The following TMEM181 variants were observed in gnomAD, a reference collection of about 807,000 sequenced individuals.
TMEM181 encodes the protein transmembrane protein 181, also known as G protein-coupled receptor 178.
A neutral mutation model predicts 71.9 loss-of-function variants in TMEM181; 39 were observed. That is an observed-to-expected ratio of 0.54 (90% CI 0.42 to 0.71). The LOEUF (loss-of-function observed/expected upper bound fraction) is 0.71, where lower values mean the gene tolerates loss of function less well. Ranked by LOEUF, TMEM181 falls within the 30% of genes least tolerant of loss-of-function variation. TMEM181 has a pLI of 0.00. For synonymous variants in TMEM181, 245 were observed against 228.8 expected (o/e 1.07, Z -0.64); for missense variants, 595 against 583.0 (o/e 1.02, Z -0.21).
chr6:158,562,516 T>C (rs1011671482), intron 1 of TMEM181, among the ~76,000 whole-genome samples: 1 of 151,752 alleles, frequency 6.6e-6, no homozygotes, highest in Admixed American at 6.6e-5. Flanking sequence ...GTGTATTTTA[T>C]GTGTCTTTTT....
At chr6:158,626,818 TCACA>T (rs1196475173) in intron 13 of TMEM181, 9 of 403,058 alleles carry the variant, frequency 2.2e-5, no homozygotes, top group Non-Finnish European at 3.6e-5. Context: ...TGACCCACCC[TCACA>T]CACACACCTT....
At chr6:158,616,112 A>G (rs1172703317) in intron 10 of TMEM181, among the ~76,000 whole-genome samples, 1 of 152,192 alleles carries the variant, frequency 6.6e-6, no homozygotes, top group African/African-American at 2.4e-5. Flanking sequence ...CTTCCTATCC[A>G]TGAGCATGGA....
chr6:158,587,320 A>G (rs1186088012), intron 5 of TMEM181, among the ~76,000 whole-genome samples: 1 of 151,938 alleles, frequency 6.6e-6, no homozygotes, highest in Non-Finnish European at 1.5e-5. Context: ...GCGCATCTTC[A>G]TGGTTTCTTC....
upstream of TMEM181, among the ~76,000 whole-genome samples, chr6:158,556,084 C>T (rs1781874222): frequency 6.6e-6 from 1 of 152,180 alleles, no homozygotes; most frequent in South Asian, 2.1e-4. Flanking sequence ...AGTACTCAAA[C>T]CAGCATGTCT....
chr6:158,625,811 G>A (rs1786244760), intron 13 of TMEM181, 57 bp downstream of exon 13: 2 of 1,484,874 alleles, frequency 1.3e-6, no homozygotes, highest in Non-Finnish European at 1.9e-6. Context: ...TTACTGTCAG[G>A]AATATCTGTT....
intron 1 of TMEM181, among the ~76,000 whole-genome samples, chr6:158,571,384 C>CCA (rs1782825046): frequency 1.6e-5 from 2 of 128,978 alleles, no homozygotes; most frequent in South Asian, 2.5e-4. Flanking sequence ...GCGTGATCTG[C>CCA]CCGCCTTGGC....
exon 1 of TMEM181, chr6:158,536,671 AG>A: frequency 2.0e-6 from 3 of 1,515,052 alleles, no homozygotes; most frequent in East Asian, 2.6e-5. Context: ...GGGAGAAGAG[AG>A]GGGGCGCAGG....
At chr6:158,547,489 A>G (rs1781563705) in intron 1 of TMEM181, among the ~76,000 whole-genome samples, 1 of 152,148 alleles carries the variant, frequency 6.6e-6, no homozygotes, top group African/African-American at 2.4e-5. Context: ...TCTGATCAGT[A>G]CAAATACTCT....
At position 158,608,457 on chromosome 6, in the gene TMEM181, TGTC is replaced by T; in HGVS notation, c.799_801del (p.Val267del). ...GGCTGTGCGTGTACCACGGGATTCG[TGTC>T]CAGGTGAGCCGGAGCCGCCCTCACT... On this transcript the variant is annotated inframe_deletion, in exon 9 of 17. Coordinates refer to ENST00000684151, the MANE Select transcript of TMEM181 (RefSeq NM_001376852.1). The T allele has an allele frequency of 1.2e-6, 2 of 1,614,218 alleles. No individual in the cohort carries two copies. The highest frequency in any genetic ancestry group is 1.7e-6 in the Non-Finnish European group (2 of 1,180,032).
chr6:158,537,228 C>A (rs1374731761), intron 1 of TMEM181, among the ~76,000 whole-genome samples: 1 of 152,068 alleles, frequency 6.6e-6, no homozygotes, highest in Non-Finnish European at 1.5e-5. Context: ...CCGCGCCCGC[C>A]TCGCCGCCCC....
At chr6:158,588,616 A>G (rs534277373) in intron 5 of TMEM181, among the ~76,000 whole-genome samples, 1 of 152,046 alleles carries the variant, frequency 6.6e-6, no homozygotes, top group Non-Finnish European at 1.5e-5. Flanking sequence ...CACCCGGCTG[A>G]TTTTTGGTAC....
chr6:158,628,680 T>C (rs563600026), intron 14 of TMEM181, among the ~76,000 whole-genome samples, 190 bp downstream of exon 14: 1 of 152,306 alleles, frequency 6.6e-6, no homozygotes, highest in Non-Finnish European at 1.5e-5. Context: ...AGCCTGTCCC[T>C]CCTCTGTACA....
chr6:158,554,950 G>T (rs544056429), intron 1 of TMEM181, among the ~76,000 whole-genome samples: 3 of 152,318 alleles, frequency 2.0e-5, no homozygotes, highest in African/African-American at 7.2e-5. Flanking sequence ...AAGCAGTTTG[G>T]TTTTTAAAAA....
chr6:158,552,494 C>A (rs1281400232), intron 1 of TMEM181, among the ~76,000 whole-genome samples: 1 of 152,200 alleles, frequency 6.6e-6, no homozygotes, highest in African/African-American at 2.4e-5. Flanking sequence ...TTCCTTGTTA[C>A]ATAGAACAAT....
chr6:158,616,513 A>T (rs1242552644), intron 10 of TMEM181, among the ~76,000 whole-genome samples: 2 of 152,206 alleles, frequency 1.3e-5, no homozygotes, highest in Non-Finnish European at 2.9e-5. Flanking sequence ...CAGAACTTCC[A>T]ATACTATGTT....
intron 6 of TMEM181, among the ~76,000 whole-genome samples, chr6:158,594,874 G>C (rs1351570745): frequency 6.6e-6 from 1 of 152,164 alleles, no homozygotes; most frequent in African/African-American, 2.4e-5. Context: ...TTTTAGTAGA[G>C]ACGAGGTTTC....
chr6:158,606,073 T>C (rs1784930934), intron 7 of TMEM181, among the ~76,000 whole-genome samples: 1 of 152,042 alleles, frequency 6.6e-6, no homozygotes. Context: ...TAACTGTGCA[T>C]GGAAGGACAC....
At chr6:158,578,305 T>A (rs1346835473) in intron 2 of TMEM181, among the ~76,000 whole-genome samples, 1 of 152,228 alleles carries the variant, frequency 6.6e-6, no homozygotes, top group South Asian at 2.1e-4. Context: ...TCAGTAAAGG[T>A]AAATACTTGG....
chr6:158,547,472 C>T (rs746145374), intron 1 of TMEM181, among the ~76,000 whole-genome samples: 2 of 152,120 alleles, frequency 1.3e-5, no homozygotes, highest in Non-Finnish European at 2.9e-5. Flanking sequence ...TCCTGGGGCT[C>T]CCAGTCTCTG....
Sources: allele counts gnomAD v4.1 joint callset (sites outside exome capture counted in the v4.1 genomes callset), GRCh38; gene constraint gnomAD v4.1.1; transcripts MANE v1.5; gene names NCBI Gene and HGNC (gene_info 2026-07-23, HGNC 2026-07-21).